Variants in ACACA observed in about 807,000 individuals in gnomAD.
The protein encoded by ACACA is acetyl-CoA carboxylase alpha.
A neutral mutation model predicts 296.1 loss-of-function variants in ACACA; 103 were observed. The ratio of observed to expected loss-of-function variants is 0.35; its 90% confidence interval spans 0.30 to 0.41. The LOEUF is 0.41. ACACA is among the 10% of genes least tolerant of loss of function. ACACA has a pLI of 1.00. For synonymous variants in ACACA, 953 were observed against 1,038.6 expected (o/e 0.92, Z 1.58); for missense variants, 1,554 against 2,989.7 (o/e 0.52, Z 11.20).
chr17:37,162,531 C>T (rs1446057394), intron 41 of ACACA: 5 of 266,072 alleles, frequency 1.9e-5, no homozygotes, highest in Non-Finnish European at 3.7e-5. Flanking sequence ...GCTTGGTGCT[C>T]CCCTTTGATC....
chr17:37,311,769 G>C (rs972363302), intron 3 of ACACA, among the ~76,000 whole-genome samples: 1 of 151,904 alleles, frequency 6.6e-6, no homozygotes, highest in African/African-American at 2.4e-5. Context: ...CTACTCGGGA[G>C]GCTGAGGCAG....
intron 2 of ACACA, among the ~76,000 whole-genome samples, chr17:37,338,379 A>C (rs1597640148): frequency 6.6e-6 from 1 of 152,106 alleles, no homozygotes; most frequent in East Asian, 1.9e-4. Flanking sequence ...AATACAGGCC[A>C]GGCACAGTGG....
chr17:37,189,191 C>T (rs1025210021), intron 38 of ACACA, among the ~76,000 whole-genome samples: 4 of 152,198 alleles, frequency 2.6e-5, no homozygotes, highest in Non-Finnish European at 5.9e-5. Context: ...TGGCCTTAGA[C>T]ATGATTTCTT....
chr17:37,361,379 C>A (rs1000622517), intron 1 of ACACA, among the ~76,000 whole-genome samples: 1 of 152,120 alleles, frequency 6.6e-6, no homozygotes, highest in Non-Finnish European at 1.5e-5. Flanking sequence ...GCTTTACAAG[C>A]TCTGCAAAAC....
intron 39 of ACACA, among the ~76,000 whole-genome samples, chr17:37,184,173 T>C (rs1407591453): frequency 6.6e-6 from 1 of 152,136 alleles, no homozygotes; most frequent in Admixed American, 6.5e-5. Flanking sequence ...ATATCCATAA[T>C]TTGAATATGG....
intron 52 of ACACA, among the ~76,000 whole-genome samples, chr17:37,104,788 A>T (rs576395616): frequency 2.6e-5 from 4 of 152,210 alleles, no homozygotes; most frequent in South Asian, 4.2e-4. Flanking sequence ...CAAATATTTT[A>T]AAATTAGCGG....
intron 41 of ACACA, among the ~76,000 whole-genome samples, chr17:37,167,820 G>T (rs1488326205): frequency 6.6e-6 from 1 of 152,022 alleles, no homozygotes; most frequent in Non-Finnish European, 1.5e-5. Flanking sequence ...AGCTGGGAAA[G>T]GGTATACCAG....
chr17:37,283,374 A>G lies in ACACA; in HGVS notation c.503T>C (p.Val168Ala). The change falls in exon 5 of 56, where the codon GTG becomes GCG. Residue 168 changes from valine to alanine, a missense_variant. Coordinates refer to ENST00000616317, the MANE Select transcript of ACACA (RefSeq NM_198834.3). ...VLIANNGIAA[V>A]KCMRSIRRWS... The stretch of plus-strand genomic sequence containing the variant: ...CCTACGGATAGACCGCATGCATTTC[A>G]CTGCTGCAATGCCATTGTTAGCAAT... The G allele has an allele frequency of 6.2e-7, 1 of 1,614,174 alleles. No individual in the cohort carries two copies. Among genetic ancestry groups the G allele is most frequent in the Non-Finnish European group, 8.5e-7 (1 of 1,180,016 alleles).
intron 43 of ACACA, among the ~76,000 whole-genome samples, chr17:37,153,532 G>A (rs2076123512): frequency 6.6e-6 from 1 of 152,172 alleles, no homozygotes; most frequent in South Asian, 2.1e-4. Flanking sequence ...AAAACTCAAT[G>A]AAGAACAAGA....
chr17:37,208,098 A>T (rs147303637), intron 30 of ACACA, among the ~76,000 whole-genome samples: 1 of 152,184 alleles, frequency 6.6e-6, no homozygotes, highest in East Asian at 1.9e-4. Context: ...AAGATGTCCA[A>T]TGAATGAATA....
intron 1 of ACACA, chr17:37,392,367 T>C (rs2050919412): frequency 6.6e-6 from 1 of 152,232 alleles, no homozygotes; most frequent in African/African-American, 2.4e-5. Context: ...TATTATATCA[T>C]ACTTTAATAG....
chr17:37,214,495 A>G (rs2078899948), intron 29 of ACACA, among the ~76,000 whole-genome samples: 1 of 152,196 alleles, frequency 6.6e-6, no homozygotes, highest in South Asian at 2.1e-4. Flanking sequence ...CTACGAACCC[A>G]CAGCACAAAA....
intron 29 of ACACA, among the ~76,000 whole-genome samples, chr17:37,213,617 C>A (rs1031021345): frequency 7.9e-5 from 12 of 152,134 alleles, no homozygotes; most frequent in African/African-American, 2.7e-4. Context: ...GTGTCATAAA[C>A]CACAATCTAG....
At chr17:37,101,490 G>A (rs898314278) in intron 52 of ACACA, among the ~76,000 whole-genome samples, 3 of 152,212 alleles carry the variant, frequency 2.0e-5, no homozygotes, top group Admixed American at 6.5e-5. Context: ...CTGAGGCACT[G>A]AGAATTTATG....
chr17:37,400,799 G>A (rs2051259328), intron 1 of ACACA, among the ~76,000 whole-genome samples: 1 of 151,754 alleles, frequency 6.6e-6, no homozygotes, highest in African/African-American at 2.4e-5. Flanking sequence ...TTCATCCATT[G>A]GCATACATGT....
chr17:37,381,689 G>T (rs1191455762), intron 1 of ACACA, among the ~76,000 whole-genome samples: 1 of 143,678 alleles, frequency 7.0e-6, no homozygotes, highest in Non-Finnish European at 1.5e-5. Flanking sequence ...GTGCAGTGGT[G>T]CGATCTCAGC....
At chr17:37,273,722 G>GT (rs1007014547) in intron 9 of ACACA, among the ~76,000 whole-genome samples, 1 of 152,210 alleles carries the variant, frequency 6.6e-6, no homozygotes, top group African/African-American at 2.4e-5. Context: ...AAATCTGAAT[G>GT]TTGCTACACA....
chr17:37,259,848 C>T (rs2680394), intron 11 of ACACA, among the ~76,000 whole-genome samples: 51,073 of 151,490 alleles, frequency 0.34, 10,873 homozygotes, highest in African/African-American at 0.59. Flanking sequence ...TCCTCTTCTT[C>T]CTAGAAACAT....
intron 45 of ACACA, among the ~76,000 whole-genome samples, chr17:37,137,390 G>A (rs988278871): frequency 4.6e-5 from 7 of 152,070 alleles, no homozygotes; most frequent in East Asian, 1.9e-4. Flanking sequence ...TCTCATTGAC[G>A]TCTGATGGGC....
Sources: gnomAD v4.1 joint callset for allele counts (sites outside exome capture counted in the v4.1 genomes callset) on GRCh38, gnomAD v4.1.1 for gene constraint, MANE v1.5 for transcripts, NCBI Gene and HGNC (gene_info 2026-07-23, HGNC 2026-07-21) for gene names.